ANO10: variants seen among roughly 807,000 people sequenced by gnomAD.
The protein encoded by ANO10 is anoctamin 10, also known as anoctamin-10.
ANO10 carries 77 observed loss-of-function variants against 74.7 expected under a neutral mutation model. The observed-to-expected ratio is 1.03, with a 90% CI of 0.86 to 1.25. The LOEUF (loss-of-function observed/expected upper bound fraction) is 1.25. Among genes scored for constraint, ANO10 ranks in the 50% most tolerant of loss-of-function variants. The probability of loss-of-function intolerance (pLI) is 0.00; values close to 1 mark genes in which losing one functional copy is unlikely to be tolerated. For missense variants in ANO10, 721 were observed against 778.1 expected (o/e 0.93, Z 0.87); for synonymous variants, 279 against 284.9 (o/e 0.98, Z 0.21).
At chr3:43,564,821 C>T (rs1411054649) in intron 8 of ANO10, among the ~76,000 whole-genome samples, 1 of 152,202 alleles carries the variant, frequency 6.6e-6, no homozygotes, top group Non-Finnish European at 1.5e-5. Context: ...TCACACCCCA[C>T]CTTTGCTGGT....
chr3:43,444,668 C>G (rs2148976144), intron 11 of ANO10, among the ~76,000 whole-genome samples: 1 of 152,262 alleles, frequency 6.6e-6, no homozygotes, highest in South Asian at 2.1e-4. Flanking sequence ...GCAGGGGCCA[C>G]AGGAAAGTGG....
intron 2 of ANO10, among the ~76,000 whole-genome samples, chr3:43,603,622 G>A (rs1406614945): frequency 6.6e-6 from 1 of 152,106 alleles, no homozygotes; most frequent in Admixed American, 6.6e-5. Flanking sequence ...GTTAGGAATT[G>A]TTCTCAGATG....
At chr3:43,404,940 A>G (rs2092551067) in intron 12 of ANO10, among the ~76,000 whole-genome samples, 1 of 151,876 alleles carries the variant, frequency 6.6e-6, no homozygotes, top group African/African-American at 2.4e-5. Flanking sequence ...CAAAACTAAT[A>G]TAGTGTCAAG....
intron 11 of ANO10, among the ~76,000 whole-genome samples, chr3:43,471,248 TAAAAC>T (rs981337780): frequency 1.3e-5 from 2 of 152,138 alleles, no homozygotes; most frequent in African/African-American, 4.8e-5. Flanking sequence ...TATATCCAAT[TAAAAC>T]AGAAACATTA....
chr3:43,478,020 A>T (rs2076136850), intron 11 of ANO10, among the ~76,000 whole-genome samples: 1 of 152,214 alleles, frequency 6.6e-6, no homozygotes, highest in African/African-American at 2.4e-5. Flanking sequence ...ACCTTGTGCC[A>T]GGCCCTATTC....
chr3:43,555,576 G>A, intron 9 of ANO10, 107 bp from the exon 10 acceptor site: 1 of 1,132,306 alleles, frequency 8.8e-7, no homozygotes, highest in Non-Finnish European at 1.3e-6. Flanking sequence ...AAACCTCAAA[G>A]AGTTTCCCCA....
chr3:43,673,988 G>A (rs2084090985), intron 1 of ANO10, among the ~76,000 whole-genome samples: 1 of 152,182 alleles, frequency 6.6e-6, no homozygotes, highest in Admixed American at 6.5e-5. Flanking sequence ...AGAAAAGTAT[G>A]TGAAGGACAT....
At chr3:43,428,808 A>AAAAAAAAAAAAAAAG (rs1559534797) in intron 12 of ANO10, among the ~76,000 whole-genome samples, 2 of 150,520 alleles carry the variant, frequency 1.3e-5, no homozygotes, top group Non-Finnish European at 3.0e-5. Context: ...AAAAAAAAAA[A>AAAAAAAAAAAAAAAG]AAAAAAAAAA....
chr3:43,383,893 A>G (rs2092043035), intron 12 of ANO10, among the ~76,000 whole-genome samples: 2 of 152,222 alleles, frequency 1.3e-5, no homozygotes. Context: ...ATTTCTATTC[A>G]GCATAGTACT....
intron 12 of ANO10, among the ~76,000 whole-genome samples, chr3:43,389,810 C>T (rs1377345055): frequency 6.6e-6 from 1 of 152,166 alleles, no homozygotes; most frequent in Admixed American, 6.5e-5. Flanking sequence ...TCAAGACTTC[C>T]TCAGTGCCCT....
chr3:43,641,380 T>A (rs1269543006), intron 1 of ANO10, among the ~76,000 whole-genome samples: 2 of 152,184 alleles, frequency 1.3e-5, no homozygotes, highest in Non-Finnish European at 1.5e-5. Flanking sequence ...ATACCTATAT[T>A]CGGCAGTTGA....
At chr3:43,439,725 A>T (rs1402084573) in intron 11 of ANO10, among the ~76,000 whole-genome samples, 1 of 152,078 alleles carries the variant, frequency 6.6e-6, no homozygotes, top group Non-Finnish European at 1.5e-5. Context: ...CAAAAAAAAT[A>T]CAGAATTTAG....
intron 4 of ANO10, among the ~76,000 whole-genome samples, chr3:43,589,122 T>C (rs543968808): frequency 2.0e-5 from 3 of 151,692 alleles, no homozygotes; most frequent in Non-Finnish European, 4.4e-5. Flanking sequence ...ATAGATAATA[T>C]AAGCAAGTAT....
intron 5 of ANO10, among the ~76,000 whole-genome samples, chr3:43,578,749 C>CAAAAAAAAAAAAAAAAAAAAAA (rs56186109): frequency 1.6e-5 from 1 of 64,446 alleles, no homozygotes; most frequent in Non-Finnish European, 3.0e-5. Context: ...GACTCCATCT[C>CAAAAAAAAAAAAAAAAAAAAAA]AAAAAAAAAA....
chr3:43,376,473 A>AGG (rs1422009523), intron 12 of ANO10, among the ~76,000 whole-genome samples: 11 of 152,188 alleles, frequency 7.2e-5, no homozygotes, highest in African/African-American at 2.7e-4. Context: ...CCTAACATCA[A>AGG]AAGCAAACTA....
intron 2 of ANO10, among the ~76,000 whole-genome samples, chr3:43,603,769 G>A (rs1235185397): frequency 1.3e-5 from 2 of 152,160 alleles, no homozygotes; most frequent in Admixed American, 1.3e-4. Context: ...TCTTCCGTTA[G>A]CAACCCCCTG....
intron 12 of ANO10, among the ~76,000 whole-genome samples, chr3:43,428,796 C>CAAAAAAAAAAAA (rs56213626): frequency 0.032 from 1,766 of 55,428 alleles, 507 homozygotes; most frequent in Non-Finnish European, 0.043. Context: ...TTTGTGAATG[C>CAAAAAAAAAAAA]AAAAAAAAAA....
Position 43,464,664 on chromosome 3 carries a change from C to CA in ANO10, c.1798-31938dup, listed in dbSNP as rs1408611665. On this transcript the variant is annotated intron_variant, in intron 11 of 12. Coordinates refer to ENST00000292246, the MANE Select transcript of ANO10 (RefSeq NM_018075.5). ...ACTGCACTTCAGCCTAGGTGACAGA[C>CA]AGAGACCCCATATAAAAAAAAATGC... 2.0e-5 allele frequency among the ~76,000 whole-genome samples: 3 copies of CA among 152,026 alleles called. No individual in the cohort carries two copies. In the East Asian group the frequency reaches 5.8e-4, roughly 29 times the overall value.
chr3:43,656,615 C>T (rs1310438521), intron 1 of ANO10, among the ~76,000 whole-genome samples: 14 of 152,346 alleles, frequency 9.2e-5, no homozygotes, highest in East Asian at 1.9e-4. Flanking sequence ...AGCACAGAGC[C>T]GGTGGGCTAG....
Sources: allele counts gnomAD v4.1 joint callset (sites outside exome capture counted in the v4.1 genomes callset), GRCh38; gene constraint gnomAD v4.1.1; transcripts MANE v1.5; gene names NCBI Gene and HGNC (gene_info 2026-07-23, HGNC 2026-07-21).